The following ALMS1 variants were observed in gnomAD, a reference collection of about 807,000 sequenced individuals.
The protein encoded by ALMS1 is centrosome-associated protein ALMS1.
In ALMS1, 271 loss-of-function variants were observed where a neutral mutation model predicts 352.2. That is an observed-to-expected ratio of 0.77 (90% CI 0.70 to 0.85). The LOEUF (loss-of-function observed/expected upper bound fraction) is 0.85. Among genes scored for constraint, ALMS1 ranks in the 40% least tolerant of loss-of-function variants. The pLI is 0.00. For missense variants in ALMS1, 5,445 were observed against 4,870.7 expected (o/e 1.12, Z -3.51); for synonymous variants, 1,865 against 1,761.2 (o/e 1.06, Z -1.48).
intron 9 of ALMS1, among the ~76,000 whole-genome samples, chr2:73,484,980 A>G (rs1249833771): frequency 6.6e-6 from 1 of 151,790 alleles, no homozygotes; most frequent in Non-Finnish European, 1.5e-5. Context: ...ATTCTTCTAA[A>G]TTTTTTTCAA....
At chr2:73,590,464 A>G (rs1675404807) in intron 16 of ALMS1, among the ~76,000 whole-genome samples, 1 of 152,188 alleles carries the variant, frequency 6.6e-6, no homozygotes, top group Non-Finnish European at 1.5e-5. Flanking sequence ...GTAATGCAGT[A>G]AAATTGAACT....
intron 6 of ALMS1, among the ~76,000 whole-genome samples, chr2:73,427,649 C>G (rs1289846045): frequency 6.6e-6 from 1 of 152,076 alleles, no homozygotes; most frequent in Non-Finnish European, 1.5e-5. Context: ...CCCCCTACCC[C>G]GCGACGGGCC....
Position 73,385,900 on chromosome 2 carries a change from A to T in ALMS1, c.32A>T (p.Glu11Val). The T allele has an allele frequency of 1.2e-6, 1 of 823,164 alleles. No individual in the cohort carries two copies. Among genetic ancestry groups the T allele is most frequent in the Non-Finnish European group, 1.9e-6 (1 of 518,790 alleles). 51.0% of individuals were successfully genotyped at this position (823,164 alleles called of 1,614,324 possible). A position where few individuals can be genotyped will look rare whatever the true frequency, so the allele number is the denominator to read the frequency against. Residue 11 changes from glutamate to valine, a missense_variant, in exon 1 of 23, where the codon GAG becomes GTG. Transcript: ENST00000613296. The part of the protein sequence containing the change: MEPEDLPWPG[E>V]LEEEEEEEEE... Reference sequence around the variant, plus strand: ...CCCGAGGATCTGCCATGGCCGGGCGAGCTGGAGGAGGAGGAGGAGGAGGAG... The same window carrying T: ...CCCGAGGATCTGCCATGGCCGGGCGTGCTGGAGGAGGAGGAGGAGGAGGAG...
chr2:73,584,800 A>G (rs954187215), intron 16 of ALMS1, among the ~76,000 whole-genome samples: 4 of 144,808 alleles, frequency 2.8e-5, no homozygotes, highest in Non-Finnish European at 4.5e-5. Context: ...CTTCCCCCCT[A>G]AGTTCCCAAA....
At chr2:73,462,326 T>A (rs1672222922) in intron 9 of ALMS1, among the ~76,000 whole-genome samples, 1 of 152,174 alleles carries the variant, frequency 6.6e-6, no homozygotes. Context: ...AAAAGAATTT[T>A]CAACCCAGAA....
At chr2:73,393,456 T>C (rs1298389281) in intron 1 of ALMS1, among the ~76,000 whole-genome samples, 2 of 152,178 alleles carry the variant, frequency 1.3e-5, no homozygotes, top group Non-Finnish European at 1.5e-5. Flanking sequence ...TTTTGTTACA[T>C]TGATATATTG....
rs555138126 is a variant in ALMS1, at chr2:73,511,358, CTG to C, written c.9540-8414_9540-8413del. Among the ~76,000 whole-genome samples the C allele has an allele frequency of 1.6e-3, 244 of 152,178 alleles. 1 individual carries two copies. Among genetic ancestry groups the C allele is most frequent in the African/African-American group, 5.5e-3 (229 of 41,526 alleles). On this transcript the variant is annotated intron_variant, in intron 10 of 22. Coordinates refer to ENST00000613296, the MANE Select transcript of ALMS1 (RefSeq NM_001378454.1). The stretch of plus-strand genomic sequence containing the variant: ...TCTCCTGGTCTGTGGGTTTCGAAGA[CTG>C]TGGGAAAAGCCTAGTATCTGGGCTG...
Position 73,602,209 on chromosome 2 carries a change from G to T in ALMS1, c.12139G>T (p.Asp4047Tyr). 1.9e-6 allele frequency: 3 copies of T among 1,613,956 alleles called. No homozygotes were observed. The South Asian group carries it at 3.3e-5, about 18-fold the overall frequency. The part of the protein sequence containing the change: ...LQESLQFHRP[D>Y]FISRSGERIK... ...GGAATCGCTTCAGTTTCACAGACCT[G>T]ACTTCATCTCCCGCTCTGGGGAGCG... is the stretch of plus-strand genomic sequence containing the variant. Residue 4047 changes from aspartate (D) to tyrosine (Y), a missense_variant, in exon 20 of 23, where the codon GAC becomes TAC. Physicochemically the swap from Asp to Tyr is radical, Grantham distance 160. Coordinates refer to ENST00000613296, the MANE Select transcript of ALMS1 (RefSeq NM_001378454.1).
chr2:73,556,860 G>A (rs911075782), intron 13 of ALMS1, among the ~76,000 whole-genome samples: 2 of 151,854 alleles, frequency 1.3e-5, no homozygotes, highest in Non-Finnish European at 2.9e-5. Context: ...GCACCACGAC[G>A]CCTGCTAGTT....
intron 9 of ALMS1, among the ~76,000 whole-genome samples, chr2:73,479,686 T>C (rs894419247): frequency 1.3e-5 from 2 of 152,244 alleles, no homozygotes; most frequent in African/African-American, 2.4e-5. Context: ...TAAACATTCA[T>C]ATGCAAGTTT....
chr2:73,577,624 G>T lies in ALMS1; in HGVS notation c.11547+4200G>T, dbSNP rs187459528. Among the ~76,000 whole-genome samples, 11 of 151,992 alleles carry T rather than the reference G, an allele frequency of 7.2e-5. No individual in the cohort carries two copies. The East Asian group carries it at 1.7e-3, about 24-fold the overall frequency. Reference sequence around the variant, plus strand: ...GCTTGCCATAAGTTTTGGTATGTTTGTCTTCTTTTTCATTCAAAATGTTTG... The same window carrying T: ...GCTTGCCATAAGTTTTGGTATGTTTTTCTTCTTTTTCATTCAAAATGTTTG... On this transcript the variant is annotated intron_variant, in intron 16 of 22. Transcript: ENST00000613296.
intron 16 of ALMS1, among the ~76,000 whole-genome samples, chr2:73,588,951 GAA>G (rs1434567577): frequency 6.6e-6 from 1 of 151,944 alleles, no homozygotes; most frequent in African/African-American, 2.4e-5. Context: ...CGTTTACAGA[GAA>G]AGAGTTAAGA....
chr2:73,492,430 A>G (rs1031137441), intron 10 of ALMS1, among the ~76,000 whole-genome samples: 1 of 152,178 alleles, frequency 6.6e-6, no homozygotes, highest in African/African-American at 2.4e-5. Context: ...CTTTTGTGCC[A>G]AAAGATGTTG....
chr2:73,393,600 A>G (rs1558627820), intron 1 of ALMS1, among the ~76,000 whole-genome samples: 1 of 151,978 alleles, frequency 6.6e-6, no homozygotes, highest in South Asian at 2.1e-4. Flanking sequence ...CTGTCATTCC[A>G]TACTCTGCTT....
chr2:73,603,370 T>A, intron 21 of ALMS1, 66 bp downstream of exon 21: 1 of 1,409,804 alleles, frequency 7.1e-7, no homozygotes, highest in Non-Finnish European at 1.0e-6. Context: ...TCGGGAGCTC[T>A]GGCTTGCACC....
chr2:73,453,594 C>A lies in ALMS1; in HGVS notation c.7067C>A (p.Ser2356Ter). ...ATTGAAAATTGGGAGTTTATTAGTT[C>A]AACTACAGTTAGAAGTCCTCTACAG... ...RGIENWEFISSTTVRSPLQEA... is the reference protein window; with the variant it reads ...RGIENWEFIS The change falls in exon 8 of 23, where the codon TCA (serine) becomes TAA (stop). Residue 2356 changes from serine (S) to a stop codon, truncating the protein, a stop_gained. Transcript: ENST00000613296. LOFTEE classifies it high-confidence loss of function. The A allele has an allele frequency of 6.2e-7, 1 of 1,613,842 alleles. No homozygotes were observed. Among genetic ancestry groups the A allele is most frequent in the Non-Finnish European group, 8.5e-7 (1 of 1,179,982 alleles).
chr2:73,587,883 A>G (rs1675344109), intron 16 of ALMS1, among the ~76,000 whole-genome samples: 1 of 152,272 alleles, frequency 6.6e-6, no homozygotes, highest in African/African-American at 2.4e-5. Flanking sequence ...CAAAGCTATT[A>G]TGAAAACCTT....
chr2:73,482,705 T>A (rs1223356248), intron 9 of ALMS1, among the ~76,000 whole-genome samples: 3 of 152,092 alleles, frequency 2.0e-5, no homozygotes, highest in Non-Finnish European at 4.4e-5. Context: ...ATCCATCTGG[T>A]CCTGGACTCT....
intron 16 of ALMS1, among the ~76,000 whole-genome samples, chr2:73,581,616 G>A (rs555741439): frequency 5.9e-5 from 9 of 152,168 alleles, no homozygotes; most frequent in East Asian, 1.9e-4. Context: ...ACAGTTTTCC[G>A]TATTTTTTGG....
Sources: allele counts gnomAD v4.1 joint callset (sites outside exome capture counted in the v4.1 genomes callset), GRCh38; gene constraint gnomAD v4.1.1; transcripts MANE v1.5; gene names NCBI Gene and HGNC (gene_info 2026-07-23, HGNC 2026-07-21).